Variants in OPCML observed in about 807,000 individuals in gnomAD.
The protein encoded by OPCML is opioid binding protein/cell adhesion molecule like.
OPCML carries 13 observed loss-of-function variants against 37.8 expected under a neutral mutation model. The ratio of observed to expected loss-of-function variants is 0.34; its 90% CI spans 0.22 to 0.55. The LOEUF (loss-of-function observed/expected upper bound fraction) is 0.55, where lower values mean the gene tolerates loss of function less well. Among genes scored for constraint, OPCML ranks in the 20% least tolerant of loss-of-function variants. The pLI, the probability that OPCML is intolerant of heterozygous loss-of-function variation, is 0.91. For synonymous variants in OPCML, 176 were observed against 168.8 expected, an observed-to-expected ratio of 1.04 and a Z score of -0.33; for missense variants, 341 against 435.6, an observed-to-expected ratio of 0.78 and a Z score of 1.93.
intron 1 of OPCML, among the ~76,000 whole-genome samples, chr11:133,399,485 T>A (rs776505069): frequency 2.0e-5 from 3 of 152,142 alleles, no homozygotes; most frequent in Admixed American, 2.0e-4. Flanking sequence ...CTCATCACCA[T>A]CATCAGTGCC....
At position 132,761,538 on chromosome 11, in the gene OPCML, C is replaced by T. The variant is rs529703525; in HGVS notation, c.147-104219G>A. On this transcript the variant is annotated intron_variant, in intron 2 of 7. Coordinates refer to ENST00000524381, the MANE Select transcript of OPCML (RefSeq NM_001012393.5). ...TCTTTTTTCTCTAATCTTGTCTTAA[C>T]GCTTTATTTCATTAAGTTGATCTTT... Among the ~76,000 whole-genome samples the T allele has an allele frequency of 3.4e-4, 51 of 152,060 alleles. 1 individual carries two copies. The South Asian group carries it at 5.0e-3, about 15-fold the overall frequency.
At chr11:132,503,470 C>T (rs944262653) in intron 4 of OPCML, among the ~76,000 whole-genome samples, 2 of 152,042 alleles carry the variant, frequency 1.3e-5, no homozygotes, top group African/African-American at 4.8e-5. Flanking sequence ...TACAAGAATA[C>T]AATTCTATTA....
intron 2 of OPCML, among the ~76,000 whole-genome samples, chr11:132,921,332 T>C (rs988196808): frequency 6.6e-6 from 1 of 151,866 alleles, no homozygotes; most frequent in Non-Finnish European, 1.5e-5. Flanking sequence ...TGTCCCTTTA[T>C]TGCACGTGTG....
intron 5 of OPCML, 23 bp downstream of exon 5, chr11:132,437,199 C>T: frequency 6.2e-7 from 1 of 1,608,586 alleles, no homozygotes; most frequent in Non-Finnish European, 8.5e-7. Flanking sequence ...TCCCCAGAAC[C>T]CCCTGGCTGC....
At chr11:133,514,620 G>C (rs1948224808) in intron 1 of OPCML, among the ~76,000 whole-genome samples, 1 of 152,084 alleles carries the variant, frequency 6.6e-6, no homozygotes, top group South Asian at 2.1e-4. Flanking sequence ...CTTTTTTATG[G>C]TAGGAGACTC....
intron 2 of OPCML, among the ~76,000 whole-genome samples, chr11:132,746,048 G>T (rs990808724): frequency 2.0e-5 from 3 of 151,938 alleles, no homozygotes; most frequent in Non-Finnish European, 4.4e-5. Flanking sequence ...AGCTGTGGAG[G>T]CCCAGCACCT....
intron 2 of OPCML, among the ~76,000 whole-genome samples, chr11:132,868,711 G>C (rs1942672525): frequency 6.6e-6 from 1 of 152,150 alleles, no homozygotes; most frequent in African/African-American, 2.4e-5. Flanking sequence ...AATGAGAACA[G>C]AGGGGCTGGG....
At chr11:132,838,678 AT>A (rs892248453) in intron 2 of OPCML, among the ~76,000 whole-genome samples, 2 of 152,196 alleles carry the variant, frequency 1.3e-5, no homozygotes, top group Non-Finnish European at 2.9e-5. Context: ...TTTAAAATTT[AT>A]TTTTTTATTG....
chr11:133,375,871 C>T (rs1247456425), intron 1 of OPCML, among the ~76,000 whole-genome samples: 1 of 152,130 alleles, frequency 6.6e-6, no homozygotes, highest in Admixed American at 6.5e-5. Flanking sequence ...CACTGGATTT[C>T]AATGAATTTG....
chr11:132,966,791 C>A (rs919274787), intron 1 of OPCML, among the ~76,000 whole-genome samples: 23 of 152,002 alleles, frequency 1.5e-4, no homozygotes, highest in African/African-American at 5.6e-4. Context: ...ACCCTTTTAT[C>A]ATAGTAAAAT....
chr11:133,001,483 T>C (rs1031326428), intron 1 of OPCML, among the ~76,000 whole-genome samples: 3 of 152,228 alleles, frequency 2.0e-5, no homozygotes, highest in African/African-American at 7.2e-5. Context: ...AGTCTTTCCC[T>C]AGCACCATGG....
chr11:132,593,459 T>C (rs1323861473), intron 3 of OPCML, among the ~76,000 whole-genome samples: 1 of 152,178 alleles, frequency 6.6e-6, no homozygotes, highest in Non-Finnish European at 1.5e-5. Flanking sequence ...TTAGACCACA[T>C]TCAAGAATTT....
At chr11:132,979,340 C>T (rs1417539598) in intron 1 of OPCML, among the ~76,000 whole-genome samples, 1 of 152,204 alleles carries the variant, frequency 6.6e-6, no homozygotes, top group African/African-American at 2.4e-5. Flanking sequence ...TGTGACGTGG[C>T]TCCTCATCCC....
chr11:132,526,869 G>T (rs2508972), intron 4 of OPCML, among the ~76,000 whole-genome samples: 1,552 of 151,944 alleles, frequency 0.01, 21 homozygotes, highest in Non-Finnish European at 0.017. Context: ...ATTTCTTGTG[G>T]CCCTTTGCCG....
At chr11:132,513,093 G>A (rs946018719) in intron 4 of OPCML, among the ~76,000 whole-genome samples, 11 of 152,048 alleles carry the variant, frequency 7.2e-5, no homozygotes, top group Non-Finnish European at 2.9e-5. Flanking sequence ...AGGTATAGAT[G>A]TTTTCTTGAT....
At chr11:133,037,562 T>A (rs1947805100) in intron 1 of OPCML, among the ~76,000 whole-genome samples, 2 of 152,170 alleles carry the variant, frequency 1.3e-5, no homozygotes, top group Non-Finnish European at 2.9e-5. Context: ...ATATATGAGA[T>A]CATTTTGCCA....
At chr11:133,370,105 T>G (rs1382199588) in intron 1 of OPCML, among the ~76,000 whole-genome samples, 1 of 152,220 alleles carries the variant, frequency 6.6e-6, no homozygotes, top group Non-Finnish European at 1.5e-5. Flanking sequence ...GGTATTAAAT[T>G]TTTGACTTGT....
At chr11:132,770,912 G>C (rs1375182927) in intron 2 of OPCML, among the ~76,000 whole-genome samples, 28 of 152,198 alleles carry the variant, frequency 1.8e-4, no homozygotes. Context: ...TAAGGCAGCA[G>C]GGCCTTGATA....
At chr11:132,647,983 C>T (rs1485966022) in intron 3 of OPCML, among the ~76,000 whole-genome samples, 1 of 152,152 alleles carries the variant, frequency 6.6e-6, no homozygotes, top group Non-Finnish European at 1.5e-5. Flanking sequence ...CAGTTACTTT[C>T]GTCAAGGCAC....
Sources: allele counts gnomAD v4.1 joint callset (sites outside exome capture counted in the v4.1 genomes callset), GRCh38; gene constraint gnomAD v4.1.1; transcripts MANE v1.5; gene names NCBI Gene and HGNC (gene_info 2026-07-23, HGNC 2026-07-21).